Variants in CSMD1 observed in about 807,000 individuals in gnomAD.
The protein encoded by CSMD1 is CUB and sushi domain-containing protein 1.
CSMD1 carries 213 observed loss-of-function variants against 417.5 expected under a neutral mutation model. The ratio of observed to expected loss-of-function variants is 0.51; its 90% CI spans 0.46 to 0.57. The LOEUF (loss-of-function observed/expected upper bound fraction) is 0.57, where lower values mean the gene tolerates loss of function less well. Ranked by LOEUF, CSMD1 falls within the 20% of genes least tolerant of loss-of-function variation. The pLI, the probability that CSMD1 is intolerant of heterozygous loss-of-function variation, is 0.00. For missense variants in CSMD1, 6,923 were observed against 4,529.7 expected, an observed-to-expected ratio of 1.53 and a Z score of -15.17; for synonymous variants, 2,862 against 1,736.8, an observed-to-expected ratio of 1.65 and a Z score of -16.11.
At chr8:3,325,528 T>G (rs541518789) in intron 23 of CSMD1, among the ~76,000 whole-genome samples, 3 of 152,240 alleles carry the variant, frequency 2.0e-5, no homozygotes, top group African/African-American at 7.2e-5. Context: ...TTGATGAAAG[T>G]AAATAACAAG....
chr8:3,287,762 A>T (rs919045529), intron 25 of CSMD1, among the ~76,000 whole-genome samples: 1 of 152,042 alleles, frequency 6.6e-6, no homozygotes, highest in Non-Finnish European at 1.5e-5. Flanking sequence ...GGACAATTTG[A>T]CTTCCTCTTT....
intron 7 of CSMD1, among the ~76,000 whole-genome samples, chr8:3,694,019 A>AGTGTGTG (rs1800403555): frequency 2.0e-5 from 3 of 150,636 alleles, no homozygotes; most frequent in Admixed American, 1.3e-4. Flanking sequence ...TTGGGGTATT[A>AGTGTGTG]TGTGTTGTGT....
At chr8:4,213,025 A>G (rs1038385842) in intron 3 of CSMD1, among the ~76,000 whole-genome samples, 4 of 152,004 alleles carry the variant, frequency 2.6e-5, no homozygotes, top group African/African-American at 9.7e-5. Context: ...TATTTTTAAA[A>G]CTGAGTTACT....
chr8:4,672,625 A>C (rs1392225590), intron 1 of CSMD1, among the ~76,000 whole-genome samples: 1 of 152,194 alleles, frequency 6.6e-6, no homozygotes, highest in African/African-American at 2.4e-5. Context: ...GAAAAATTAA[A>C]AAGAATAAAA....
intron 5 of CSMD1, among the ~76,000 whole-genome samples, chr8:3,831,685 A>G (rs1465938932): frequency 6.6e-6 from 1 of 152,150 alleles, no homozygotes; most frequent in Non-Finnish European, 1.5e-5. Context: ...GGCAAAGGAT[A>G]TATGTTTGGA....
intron 2 of CSMD1, among the ~76,000 whole-genome samples, chr8:4,553,851 C>A (rs551017145): frequency 1.1e-4 from 16 of 152,136 alleles, no homozygotes; most frequent in Non-Finnish European, 1.9e-4. Context: ...TGGGAAGACA[C>A]AGGACTGGGT....
At chr8:3,828,582 C>T (rs1001259315) in intron 5 of CSMD1, among the ~76,000 whole-genome samples, 2 of 152,166 alleles carry the variant, frequency 1.3e-5, no homozygotes, top group Non-Finnish European at 1.5e-5. Context: ...ACTCTCTCTG[C>T]AAAGCATTCG....
intron 3 of CSMD1, among the ~76,000 whole-genome samples, chr8:4,198,386 G>T (rs1019756801): frequency 6.6e-6 from 1 of 152,218 alleles, no homozygotes; most frequent in Non-Finnish European, 1.5e-5. Flanking sequence ...CACTGTGATG[G>T]ACAGAGACTT....
chr8:3,136,485 C>T (rs993427561), intron 41 of CSMD1, among the ~76,000 whole-genome samples: 7 of 151,884 alleles, frequency 4.6e-5, no homozygotes, highest in African/African-American at 9.7e-5. Flanking sequence ...GGCTGATCTC[C>T]GACTCCTGAC....
intron 29 of CSMD1, among the ~76,000 whole-genome samples, chr8:3,216,725 T>C (rs1033923523): frequency 1.3e-5 from 2 of 152,354 alleles, no homozygotes; most frequent in Non-Finnish European, 2.9e-5. Flanking sequence ...TATTTTGTGT[T>C]GTCCGTGTCC....
chr8:3,284,972 G>C (rs1178328164), intron 25 of CSMD1, among the ~76,000 whole-genome samples: 1 of 152,036 alleles, frequency 6.6e-6, no homozygotes, highest in Admixed American at 6.6e-5. Flanking sequence ...AGACTTCCAG[G>C]TATTTTTCAG....
intron 2 of CSMD1, among the ~76,000 whole-genome samples, chr8:4,540,579 A>C (rs1797332042): frequency 6.6e-6 from 1 of 152,162 alleles, no homozygotes; most frequent in South Asian, 2.1e-4. Flanking sequence ...AGATTATTTT[A>C]ATTAAAGATA....
At chr8:4,426,357 TC>T (rs1797554389) in intron 2 of CSMD1, among the ~76,000 whole-genome samples, 1 of 150,380 alleles carries the variant, frequency 6.6e-6, no homozygotes, top group Non-Finnish European at 1.5e-5. Flanking sequence ...ATTTTGAAAA[TC>T]CTTTTTATAT....
Position 4,774,155 on chromosome 8 carries a change from G to T in CSMD1, c.86-136597C>A, listed in dbSNP as rs762376255. Reference sequence around the variant, plus strand: ...GTGGAGGTGGCAGTGAGCCAATATCGTGCCACTGCCTACCAGCCTGGGTGA... The same window carrying T: ...GTGGAGGTGGCAGTGAGCCAATATCTTGCCACTGCCTACCAGCCTGGGTGA... On this transcript the variant is annotated intron_variant, in intron 1 of 69. Coordinates refer to ENST00000635120, the MANE Select transcript of CSMD1 (RefSeq NM_033225.6). Among the ~76,000 whole-genome samples, 5 of 152,198 alleles carry T rather than the reference G, an allele frequency of 3.3e-5. No homozygotes were observed. In the East Asian group the frequency reaches 7.7e-4, roughly 23 times the overall value.
intron 17 of CSMD1, among the ~76,000 whole-genome samples, chr8:3,390,480 G>C (rs892741686): frequency 5.9e-4 from 90 of 151,676 alleles, no homozygotes; most frequent in African/African-American, 2.2e-3. Context: ...TTGTGGGAAA[G>C]GTAGGGCAAA....
At chr8:4,270,538 A>C (rs1157488612) in intron 3 of CSMD1, among the ~76,000 whole-genome samples, 6 of 152,102 alleles carry the variant, frequency 3.9e-5, no homozygotes, top group Admixed American at 3.9e-4. Flanking sequence ...TCCAGCTGTG[A>C]CTAGTACAGC....
Position 4,894,649 on chromosome 8 carries a change from G to C in CSMD1, c.85+99683C>G, listed in dbSNP as rs59911800. Among the ~76,000 whole-genome samples, 191 of 151,870 alleles carry C rather than the reference G, an allele frequency of 1.3e-3. 2 individuals are homozygous for C. Among genetic ancestry groups the C allele is most frequent in the African/African-American group, 4.4e-3 (181 of 41,374 alleles). On this transcript the variant is annotated intron_variant, in intron 1 of 69. Coordinates refer to ENST00000635120, the MANE Select transcript of CSMD1 (RefSeq NM_033225.6). ...TCATTTATCTGCAAATATCTGCAAAGGGATTTTAATGTGTTTCATTCTTGA... is the reference window on the plus strand; with the variant it reads ...TCATTTATCTGCAAATATCTGCAAACGGATTTTAATGTGTTTCATTCTTGA...
In CSMD1 at chr8:3,953,101, G is replaced by C. The variant is rs183322940; in HGVS notation, c.818+44802C>G. Among the ~76,000 whole-genome samples, 443 of 152,028 alleles carry C rather than the reference G, an allele frequency of 2.9e-3. 2 individuals are homozygous for C. The highest frequency in any genetic ancestry group is 4.0e-3 in the Non-Finnish European group (272 of 67,970). ...TTTGTAAAGGAGAAGAAAATCAAAA[G>C]CTTTCTCTGAAAAGATCAATGATCA... On this transcript the variant is annotated intron_variant, in intron 5 of 69. Coordinates refer to ENST00000635120, the MANE Select transcript of CSMD1 (RefSeq NM_033225.6).
chr8:3,861,254 T>C (rs1402925373), intron 5 of CSMD1, among the ~76,000 whole-genome samples: 1 of 152,220 alleles, frequency 6.6e-6, no homozygotes, highest in Non-Finnish European at 1.5e-5. Flanking sequence ...GAGACCAACG[T>C]ACTATGTACC....
Sources: gnomAD v4.1 joint callset for allele counts (sites outside exome capture counted in the v4.1 genomes callset) on GRCh38, gnomAD v4.1.1 for gene constraint, MANE v1.5 for transcripts, NCBI Gene and HGNC (gene_info 2026-07-23, HGNC 2026-07-21) for gene names.